FSTL1: variants seen among roughly 807,000 people sequenced by gnomAD.
The protein encoded by FSTL1 is follistatin like 1.
A neutral mutation model predicts 45.9 loss-of-function variants in FSTL1; 24 were observed. That is an observed-to-expected ratio of 0.52 (90% CI 0.38 to 0.74). The LOEUF (loss-of-function observed/expected upper bound fraction) is 0.74, where lower values mean the gene tolerates loss of function less well. Among genes scored for constraint, FSTL1 ranks in the 30% least tolerant of loss-of-function variants. FSTL1 has a pLI of 0.00. For missense variants in FSTL1, 340 were observed against 381.8 expected, an observed-to-expected ratio of 0.89 and a Z score of 0.91; for synonymous variants, 120 against 137.6, an observed-to-expected ratio of 0.87 and a Z score of 0.89.
intron 2 of FSTL1, among the ~76,000 whole-genome samples, chr3:120,436,827 G>A (rs376576069): frequency 5.9e-5 from 9 of 152,288 alleles, no homozygotes; most frequent in African/African-American, 2.2e-4. Flanking sequence ...AGGGATGGTG[G>A]TGCCCTGGGA....
rs1331645458 is a variant in FSTL1 at position 120,392,449 on chromosome 3, T to C, written c.*4503A>G. On this transcript the variant is annotated 3_prime_UTR_variant, in exon 11 of 11. Coordinates refer to ENST00000295633, the MANE Select transcript of FSTL1 (RefSeq NM_007085.5). ...TGGATATGCTCAGTTTATGTACTTT[T>C]GGCAGTCATGCATACTGGTGCAACT... 1 of 152,256 alleles carries C rather than the reference T, an allele frequency of 6.6e-6. No homozygotes were observed. The highest frequency in any genetic ancestry group is 1.5e-5 in the Non-Finnish European group (1 of 68,044). The allele number at this position is 152,256 out of a possible 1,614,324, so 9.4% of individuals were successfully genotyped here. A position where few individuals can be genotyped will look rare whatever the true frequency, so the allele number is the denominator to read the frequency against.
At chr3:120,414,250 G>C (rs1161841517) in intron 3 of FSTL1, among the ~76,000 whole-genome samples, 2 of 151,836 alleles carry the variant, frequency 1.3e-5, no homozygotes, top group African/African-American at 4.8e-5. Flanking sequence ...CTATCGTCTG[G>C]GATGTGAGGA....
intron 2 of FSTL1, among the ~76,000 whole-genome samples, chr3:120,428,571 T>C (rs778290408): frequency 2.0e-5 from 3 of 151,922 alleles, no homozygotes; most frequent in African/African-American, 4.8e-5. Flanking sequence ...CCCTCTCCAT[T>C]AAAAATACAA....
At chr3:120,450,772 CTG>C in intron 1 of FSTL1, 26 bp from the exon 2 acceptor site, 2 of 1,543,578 alleles carry the variant, frequency 1.3e-6, no homozygotes, top group Non-Finnish European at 1.7e-6. Context: ...GAGAGCGAGT[CTG>C]AAGGCGCCGG....
intron 2 of FSTL1, among the ~76,000 whole-genome samples, chr3:120,431,540 T>C (rs1356585788): frequency 6.6e-6 from 1 of 151,898 alleles, no homozygotes. Flanking sequence ...TAAACAGTTA[T>C]GGCTGGATGC....
At chr3:120,439,549 T>G (rs1353662675) in intron 2 of FSTL1, among the ~76,000 whole-genome samples, 1 of 152,206 alleles carries the variant, frequency 6.6e-6, no homozygotes, top group Non-Finnish European at 1.5e-5. Context: ...AATGTAGAAA[T>G]GACTGCCATA....
chr3:120,402,693 T>C (rs911179819), intron 9 of FSTL1, 115 bp downstream of exon 9: 4 of 717,032 alleles, frequency 5.6e-6, no homozygotes, highest in Admixed American at 2.0e-5. Flanking sequence ...CTGCCTGGGT[T>C]CCTTGCTCCC....
intron 8 of FSTL1, 91 bp from the exon 9 acceptor site, chr3:120,403,009 C>A: frequency 1.2e-6 from 1 of 866,600 alleles, no homozygotes. Context: ...CCTTTTTTCC[C>A]AGACAAGACC....
At chr3:120,445,337 T>C (rs1302102182) in intron 2 of FSTL1, among the ~76,000 whole-genome samples, 2 of 149,776 alleles carry the variant, frequency 1.3e-5, no homozygotes, top group African/African-American at 5.1e-5. Flanking sequence ...CATTAATTAT[T>C]GAAGGTTTGC....
At chr3:120,438,463 A>G (rs1002301312) in intron 2 of FSTL1, 3 of 152,248 alleles carry the variant, frequency 2.0e-5, no homozygotes, top group African/African-American at 7.2e-5. Context: ...CACTCACTAC[A>G]TGGCGAGAGA....
chr3:120,414,439 A>T (rs1330086696), intron 3 of FSTL1, among the ~76,000 whole-genome samples: 38 of 143,428 alleles, frequency 2.6e-4, no homozygotes, highest in South Asian at 9.0e-4. Context: ...GGCCGCCCCT[A>T]CTGGGAAGTG....
At chr3:120,445,925 G>A (rs1229491529) in intron 2 of FSTL1, among the ~76,000 whole-genome samples, 1 of 149,972 alleles carries the variant, frequency 6.7e-6, no homozygotes, top group Non-Finnish European at 1.5e-5. Flanking sequence ...CATACTCTCA[G>A]AGAAAGCACC....
intron 3 of FSTL1, chr3:120,415,680 C>T (rs1030402574): frequency 4.7e-6 from 2 of 421,704 alleles, no homozygotes; most frequent in Non-Finnish European, 4.2e-6. Flanking sequence ...TACTATTTGA[C>T]TTATATAAAA....
intron 6 of FSTL1, among the ~76,000 whole-genome samples, chr3:120,406,164 T>C (rs1218867665): frequency 1.3e-5 from 2 of 152,146 alleles, no homozygotes; most frequent in Non-Finnish European, 2.9e-5. Flanking sequence ...GTACTTATCA[T>C]TCTTGTCCTA....
In FSTL1 at chr3:120,446,290, C is replaced by T. The variant is rs13325740; in HGVS notation, c.63+4394G>A. On this transcript the variant is annotated intron_variant, in intron 2 of 10. Coordinates refer to ENST00000295633, the MANE Select transcript of FSTL1 (RefSeq NM_007085.5). Reference sequence around the variant, plus strand: ...GTCTTTGGGGCATTTCCTCTCGGATCATTACATCCACTTCAGCCCATGACC... The same window carrying T: ...GTCTTTGGGGCATTTCCTCTCGGATTATTACATCCACTTCAGCCCATGACC... Among the ~76,000 whole-genome samples the T allele has an allele frequency of 7.1e-3, 1,087 of 152,314 alleles. 9 individuals carry two copies. The highest frequency in any genetic ancestry group is 0.024 in the African/African-American group (1,012 of 41,558).
At chr3:120,419,504 A>T (rs1216616045) in intron 2 of FSTL1, 1 of 152,154 alleles carries the variant, frequency 6.6e-6, no homozygotes, top group Non-Finnish European at 1.5e-5. Context: ...GGGGGAAAAG[A>T]ACACCTTGAG....
chr3:120,450,929 G>A lies in FSTL1; in HGVS notation c.-33C>T. 1 of 484,622 alleles carries A rather than the reference G, an allele frequency of 2.1e-6. No individual in the cohort carries two copies. The highest frequency in any genetic ancestry group is 4.3e-4 in the Middle Eastern group (1 of 2,300). The allele number at this position is 484,622 out of a possible 1,614,324, so 30.0% of individuals were successfully genotyped here. A position where few individuals can be genotyped will look rare whatever the true frequency, so the allele number is the denominator to read the frequency against. On this transcript the variant is annotated 5_prime_UTR_variant, in exon 1 of 11. Transcript: ENST00000295633. ...TGGTCCAGGTCTCCTGGGGGCGCGG[G>A]GCAGGACGGCGGCAGCGAGCTGTAA...
intron 2 of FSTL1, among the ~76,000 whole-genome samples, chr3:120,450,130 A>G (rs1390969026): frequency 6.6e-6 from 1 of 152,222 alleles, no homozygotes; most frequent in Non-Finnish European, 1.5e-5. Flanking sequence ...TACAGGGAAC[A>G]CTTGGGAAAA....
At chr3:120,405,608 C>T (rs1164379369) in intron 6 of FSTL1, among the ~76,000 whole-genome samples, 2 of 152,238 alleles carry the variant, frequency 1.3e-5, no homozygotes, top group African/African-American at 4.8e-5. Flanking sequence ...ATGCAAAGTT[C>T]CCGCTCCTCT....
Sources: gnomAD v4.1 joint callset for allele counts (sites outside exome capture counted in the v4.1 genomes callset) on GRCh38, gnomAD v4.1.1 for gene constraint, MANE v1.5 for transcripts, NCBI Gene and HGNC (gene_info 2026-07-23, HGNC 2026-07-21) for gene names.